Variants in VAT1L observed in about 807,000 individuals in gnomAD.
VAT1L encodes vesicle amine transport 1 like, also known as putative NADPH-dependent quinone oxidoreductase VAT1L.
VAT1L carries 34 observed loss-of-function variants against 44.1 expected under a neutral mutation model. That is an observed-to-expected ratio of 0.77 (90% CI 0.59 to 1.03). The LOEUF (loss-of-function observed/expected upper bound fraction) is 1.03, where lower values mean the gene tolerates loss of function less well. Among genes scored for constraint, VAT1L ranks in the 50% least tolerant of loss-of-function variants. The pLI, the probability that VAT1L is intolerant of heterozygous loss-of-function variation, is 0.00. For missense variants in VAT1L, 615 were observed against 538.8 expected (o/e 1.14, Z -1.40); for synonymous variants, 253 against 202.2 (o/e 1.25, Z -2.13).
intron 7 of VAT1L, among the ~76,000 whole-genome samples, chr16:77,967,833 T>C (rs193085730): frequency 2.3e-4 from 35 of 152,182 alleles, no homozygotes; most frequent in African/African-American, 7.9e-4. Context: ...ATGCTGGAGA[T>C]CTATGACGTG....
chr16:77,955,850 C>T (rs1015923277), intron 7 of VAT1L, among the ~76,000 whole-genome samples: 2 of 151,894 alleles, frequency 1.3e-5, no homozygotes, highest in African/African-American at 4.8e-5. Flanking sequence ...CAGCGTCCTA[C>T]ATCCTTCCTT....
intron 7 of VAT1L, among the ~76,000 whole-genome samples, chr16:77,965,414 C>T (rs2018212413): frequency 6.6e-6 from 1 of 152,168 alleles, no homozygotes; most frequent in South Asian, 2.1e-4. Context: ...GTCAAATTGG[C>T]CTCCCAGACA....
intron 7 of VAT1L, among the ~76,000 whole-genome samples, chr16:77,899,033 A>C (rs967778899): frequency 1.3e-5 from 2 of 152,210 alleles, no homozygotes; most frequent in African/African-American, 4.8e-5. Flanking sequence ...CAAATGACAA[A>C]GGAGCAATCA....
chr16:77,794,824 A>G (rs2015899182), intron 1 of VAT1L, among the ~76,000 whole-genome samples: 1 of 152,306 alleles, frequency 6.6e-6, no homozygotes, highest in South Asian at 2.1e-4. Context: ...GGCTCATTTG[A>G]TGATGAGAAA....
chr16:77,854,963 C>G (rs1411084032), intron 3 of VAT1L, among the ~76,000 whole-genome samples: 1 of 152,076 alleles, frequency 6.6e-6, no homozygotes, highest in Non-Finnish European at 1.5e-5. Context: ...CTGTTTTTGG[C>G]CCAGCTAAAT....
intron 4 of VAT1L, among the ~76,000 whole-genome samples, chr16:77,864,876 C>T (rs1346295746): frequency 3.3e-5 from 5 of 152,010 alleles, no homozygotes; most frequent in African/African-American, 1.2e-4. Flanking sequence ...TAGAAGTTGA[C>T]CCTCTGTTTC....
At chr16:77,937,263 C>T (rs1023668584) in intron 7 of VAT1L, among the ~76,000 whole-genome samples, 3 of 152,146 alleles carry the variant, frequency 2.0e-5, no homozygotes, top group Non-Finnish European at 4.4e-5. Context: ...GTCCTCCTCA[C>T]GCAAATCAGT....
intron 7 of VAT1L, among the ~76,000 whole-genome samples, chr16:77,934,291 T>C (rs2017766768): frequency 6.6e-6 from 1 of 152,154 alleles, no homozygotes; most frequent in Non-Finnish European, 1.5e-5. Flanking sequence ...GTGGTTTTGG[T>C]AGACAGAATG....
chr16:77,822,930 G>A (rs2016476183), intron 2 of VAT1L, among the ~76,000 whole-genome samples: 1 of 152,088 alleles, frequency 6.6e-6, no homozygotes, highest in South Asian at 2.1e-4. Flanking sequence ...CTGGAGCAGA[G>A]GTGGCCAGAC....
chr16:77,892,388 A>T, intron 7 of VAT1L: 1 of 390,072 alleles, frequency 2.6e-6, no homozygotes, highest in South Asian at 2.1e-5. Flanking sequence ...AGGATTTAAA[A>T]GCATCTCCTG....
intron 4 of VAT1L, among the ~76,000 whole-genome samples, chr16:77,874,696 A>G (rs2017068946): frequency 6.6e-6 from 1 of 152,132 alleles, no homozygotes; most frequent in Non-Finnish European, 1.5e-5. Context: ...ATGAGACCAC[A>G]TTTCAACTTA....
intron 7 of VAT1L, among the ~76,000 whole-genome samples, chr16:77,922,669 C>T (rs1018373657): frequency 3.3e-5 from 5 of 152,206 alleles, no homozygotes; most frequent in Admixed American, 6.5e-5. Context: ...GTGAATGCCA[C>T]TCTATGTGCC....
intron 3 of VAT1L, among the ~76,000 whole-genome samples, chr16:77,827,503 G>C (rs1472626843): frequency 6.6e-6 from 1 of 152,214 alleles, no homozygotes; most frequent in East Asian, 1.9e-4. Flanking sequence ...TGGGCTTACA[G>C]ATGCTACCGA....
At chr16:77,901,153 CTTTTTTTT>C (rs538577571) in intron 7 of VAT1L, among the ~76,000 whole-genome samples, 43,259 of 89,698 alleles carry the variant, frequency 0.48, 10,888 homozygotes, top group Middle Eastern at 0.74. Context: ...AGTAGTTTAC[CTTTTTTTT>C]TTTTTTTTTT....
chr16:77,797,463 G>C (rs1448375471), intron 1 of VAT1L, among the ~76,000 whole-genome samples: 1 of 152,162 alleles, frequency 6.6e-6, no homozygotes, highest in Non-Finnish European at 1.5e-5. Flanking sequence ...TTCCAGGGTT[G>C]GGAATGGATT....
At chr16:77,811,787 G>A (rs922816640) in intron 1 of VAT1L, among the ~76,000 whole-genome samples, 1 of 152,190 alleles carries the variant, frequency 6.6e-6, no homozygotes, top group Non-Finnish European at 1.5e-5. Flanking sequence ...AGAAAAGAAA[G>A]TGTAGAGGCC....
chr16:77,935,585 A>G (rs2017785575), intron 7 of VAT1L, among the ~76,000 whole-genome samples: 1 of 151,580 alleles, frequency 6.6e-6, no homozygotes, highest in Non-Finnish European at 1.5e-5. Context: ...GAAAAGGAGA[A>G]GAAAGGAGTG....
intron 1 of VAT1L, chr16:77,799,916 A>T (rs1465552824): frequency 1.3e-5 from 2 of 152,184 alleles, no homozygotes; most frequent in South Asian, 2.1e-4. Context: ...GGTTCACAGT[A>T]GGCACTCAAT....
chr16:77,950,409 AACACACACACACACAC>A lies in VAT1L; in HGVS notation c.1078-21409_1078-21394del, dbSNP rs61168492. On this transcript the variant is annotated intron_variant, in intron 7 of 8. Transcript: ENST00000302536. Reference sequence around the variant, plus strand: ...GGGCGACAGAGCAAGATTCCATCTAAACACACACACACACACACACACACACACACACACACACACA... The same window carrying A: ...GGGCGACAGAGCAAGATTCCATCTAAACACACACACACACACACACACACA... Among the ~76,000 whole-genome samples the A allele has an allele frequency of 3.1e-3, 412 of 131,292 alleles. 2 individuals are homozygous for A. The highest frequency in any genetic ancestry group is 4.5e-3 in the Non-Finnish European group (282 of 62,462). 86.1% of individuals were successfully genotyped at this position (131,292 alleles called of 152,430 possible).
Sources: gnomAD v4.1 joint callset for allele counts (sites outside exome capture counted in the v4.1 genomes callset) on GRCh38, gnomAD v4.1.1 for gene constraint, MANE v1.5 for transcripts, NCBI Gene and HGNC (gene_info 2026-07-23, HGNC 2026-07-21) for gene names.